The following ESRRG variants were observed in gnomAD, a reference collection of about 807,000 sequenced individuals.
ESRRG encodes the protein estrogen related receptor gamma, also known as estrogen-related receptor gamma.
ESRRG carries 13 observed loss-of-function variants against 44.0 expected under a neutral mutation model. The observed-to-expected ratio is 0.30, with a 90% CI of 0.19 to 0.47. ESRRG has a LOEUF of 0.47. ESRRG is among the 20% of genes least tolerant of loss of function. ESRRG has a pLI of 1.00. For synonymous variants in ESRRG, 215 were observed against 214.6 expected (o/e 1.00, Z -0.02); for missense variants, 395 against 580.6 (o/e 0.68, Z 3.29).
intron 2 of ESRRG, among the ~76,000 whole-genome samples, chr1:216,822,497 T>G (rs145235890): frequency 6.6e-6 from 1 of 152,260 alleles, no homozygotes; most frequent in African/African-American, 2.4e-5. Flanking sequence ...ATCAATAAAT[T>G]TAAAGAAGGA....
chr1:216,691,152 G>A (rs1209955539), intron 1 of ESRRG, among the ~76,000 whole-genome samples: 1 of 152,038 alleles, frequency 6.6e-6, no homozygotes, highest in Non-Finnish European at 1.5e-5. Flanking sequence ...GGTTTCCTTT[G>A]GTTTGGCTTT....
chr1:216,626,199 C>A (rs956339927), intron 3 of ESRRG, among the ~76,000 whole-genome samples: 1 of 152,200 alleles, frequency 6.6e-6, no homozygotes, highest in East Asian at 1.9e-4. Context: ...TTTACTACTT[C>A]TTCCTTAAAT....
intron 6 of ESRRG, among the ~76,000 whole-genome samples, chr1:216,518,257 G>A (rs1313968706): frequency 2.6e-5 from 4 of 152,012 alleles, no homozygotes; most frequent in Non-Finnish European, 4.4e-5. Context: ...ATAGCCGTCC[G>A]CCCATTCAAG....
chr1:216,825,019 G>A (rs2095366762), intron 2 of ESRRG, among the ~76,000 whole-genome samples: 2 of 152,116 alleles, frequency 1.3e-5, no homozygotes, highest in African/African-American at 4.8e-5. Context: ...CAGTGACAGA[G>A]GCCTGTCCTT....
intron 1 of ESRRG, among the ~76,000 whole-genome samples, chr1:217,116,481 T>C (rs1016115481): frequency 6.6e-6 from 1 of 152,212 alleles, no homozygotes; most frequent in African/African-American, 2.4e-5. Flanking sequence ...AACATGATAA[T>C]AGAACAAATA....
At chr1:216,913,801 A>T (rs1444744972) in intron 2 of ESRRG, among the ~76,000 whole-genome samples, 2 of 152,232 alleles carry the variant, frequency 1.3e-5, no homozygotes, top group Non-Finnish European at 1.5e-5. Context: ...TATTAATGAT[A>T]ATTATAAACC....
intron 2 of ESRRG, among the ~76,000 whole-genome samples, chr1:216,772,336 G>A (rs2093417707): frequency 6.6e-6 from 1 of 152,076 alleles, no homozygotes; most frequent in African/African-American, 2.4e-5. Context: ...AAAGAACTCT[G>A]CTCTCTCTTT....
intron 1 of ESRRG, among the ~76,000 whole-genome samples, chr1:217,075,140 T>TA (rs891517180): frequency 6.6e-6 from 1 of 152,130 alleles, no homozygotes; most frequent in Non-Finnish European, 1.5e-5. Context: ...TGTTAGGTTG[T>TA]AAAAAAATCT....
intron 2 of ESRRG, among the ~76,000 whole-genome samples, chr1:216,735,885 C>A (rs113095333): frequency 6.7e-6 from 1 of 149,754 alleles, no homozygotes; most frequent in South Asian, 2.1e-4. Context: ...AGGCTGAGGC[C>A]GAGAATTGCT....
intron 1 of ESRRG, among the ~76,000 whole-genome samples, chr1:216,974,054 C>A (rs920424881): frequency 1.2e-4 from 18 of 152,034 alleles, no homozygotes; most frequent in African/African-American, 4.1e-4. Flanking sequence ...TTTGAGCTTA[C>A]AATTACAATA....
chr1:216,569,111 A>AGGAAGGAAG lies in ESRRG; in HGVS notation c.590-1014_590-1013insCTTCCTTCC, dbSNP rs1553355981. Among the ~76,000 whole-genome samples, 106 of 104,458 alleles carry AGGAAGGAAG rather than the reference A, an allele frequency of 1.0e-3. 5 individuals carry two copies. Among genetic ancestry groups the AGGAAGGAAG allele is most frequent in the African/African-American group, 3.6e-3 (101 of 28,354 alleles). The allele number at this position is 104,458 out of a possible 152,430, so 68.5% of individuals were successfully genotyped here. A position where few individuals can be genotyped will look rare whatever the true frequency, so the allele number is the denominator to read the frequency against. On this transcript the variant is annotated intron_variant, in intron 3 of 6. Coordinates refer to ENST00000408911, the MANE Select transcript of ESRRG (RefSeq NM_001438.4). The stretch of plus-strand genomic sequence containing the variant: ...AAGGAAGGAAGGAAGGAAGGAAGGA[A>AGGAAGGAAG]GAAGGAAGGAAGGAAGGAAGGAAAG...
At chr1:216,883,386 GAAA>G (rs11318094) in intron 2 of ESRRG, among the ~76,000 whole-genome samples, 6,001 of 75,530 alleles carry the variant, frequency 0.079, 376 homozygotes, top group East Asian at 0.36. Context: ...ACTTCTCTGA[GAAA>G]AAAAAAAAAA....
chr1:216,826,621 A>T (rs1472138505), intron 2 of ESRRG, among the ~76,000 whole-genome samples: 1 of 152,188 alleles, frequency 6.6e-6, no homozygotes, highest in Non-Finnish European at 1.5e-5. Flanking sequence ...TATACTAATA[A>T]GCCTTGGAGG....
intron 2 of ESRRG, among the ~76,000 whole-genome samples, chr1:216,930,904 A>G (rs11572499): frequency 0.083 from 12,664 of 152,300 alleles, 718 homozygotes; most frequent in East Asian, 0.19. Context: ...CACAATGATT[A>G]CGATTTTTAA....
intron 1 of ESRRG, among the ~76,000 whole-genome samples, chr1:216,971,205 T>G (rs2071585467): frequency 6.6e-6 from 1 of 152,184 alleles, no homozygotes; most frequent in Non-Finnish European, 1.5e-5. Context: ...TTAAAGAGAT[T>G]CTTAGGCCAG....
At chr1:216,803,674 G>A (rs905644047) in intron 2 of ESRRG, among the ~76,000 whole-genome samples, 9 of 152,066 alleles carry the variant, frequency 5.9e-5, no homozygotes, top group African/African-American at 2.2e-4. Flanking sequence ...TTTGGTCTTA[G>A]CTGTACTCAC....
At chr1:216,585,037 G>A (rs558019981) in intron 3 of ESRRG, among the ~76,000 whole-genome samples, 2 of 152,278 alleles carry the variant, frequency 1.3e-5, no homozygotes, top group African/African-American at 4.8e-5. Flanking sequence ...CTCTAATAAA[G>A]TGAGAGTTCA....
chr1:216,842,980 G>A (rs1187288610), intron 2 of ESRRG, among the ~76,000 whole-genome samples: 1 of 152,130 alleles, frequency 6.6e-6, no homozygotes, highest in African/African-American at 2.4e-5. Context: ...ATTAGTGACT[G>A]TGAACAAATG....
At chr1:216,560,631 C>T (rs114557493) in intron 5 of ESRRG, among the ~76,000 whole-genome samples, 1,936 of 152,216 alleles carry the variant, frequency 0.013, 32 homozygotes, top group African/African-American at 0.04. Context: ...GGCTGATAAT[C>T]GTCTTATCAC....
Sources: allele counts gnomAD v4.1 joint callset (sites outside exome capture counted in the v4.1 genomes callset), GRCh38; gene constraint gnomAD v4.1.1; transcripts MANE v1.5; gene names NCBI Gene and HGNC (gene_info 2026-07-23, HGNC 2026-07-21).